Variants in TSHZ3 observed in about 807,000 individuals in gnomAD.
The protein encoded by TSHZ3 is teashirt homolog 3.
A neutral mutation model predicts 64.5 loss-of-function variants in TSHZ3; 10 were observed. That is an observed-to-expected ratio of 0.16 (90% CI 0.10 to 0.26). The LOEUF is 0.26. TSHZ3 is among the 10% of genes least tolerant of loss of function. TSHZ3 has a pLI of 1.00. For missense variants in TSHZ3, 1,242 were observed against 1,421.7 expected (o/e 0.87, Z 2.03); for synonymous variants, 608 against 593.1 (o/e 1.03, Z -0.36).
chr19:31,349,073 G>C (rs1445973873), intron 1 of TSHZ3, 107 bp downstream of exon 1: 11 of 1,407,970 alleles, frequency 7.8e-6, no homozygotes, highest in African/African-American at 1.5e-5. Flanking sequence ...GAGTTACTCA[G>C]TGCGGGCAGA....
chr19:31,152,143 A>G (rs905174622), intron 6 of TSHZ3, among the ~76,000 whole-genome samples: 39 of 152,242 alleles, frequency 2.6e-4, no homozygotes, highest in African/African-American at 8.7e-4. Context: ...AAAGAAAAAG[A>G]AAAGAAAAAA....
In TSHZ3 at chr19:31,228,431, G is replaced by T. The variant is rs1975499093; in HGVS notation, n.551-291C>A. On this transcript the variant is annotated intron_variant and non_coding_transcript_variant, in intron 3 of 6. Transcript: ENST00000651361. Reference sequence around the variant, plus strand: ...GTCCCAGCTACTCCAGAGGCTGAGGGGGGAGGATCACATGAGCCCCGGAGG... The same window carrying T: ...GTCCCAGCTACTCCAGAGGCTGAGGTGGGAGGATCACATGAGCCCCGGAGG... Among the ~76,000 whole-genome samples, 6 of 151,618 alleles carry T rather than the reference G, an allele frequency of 4.0e-5. No individual in the cohort carries two copies. In the South Asian group the frequency reaches 1.3e-3, roughly 32 times the overall value.
At chr19:31,249,713 C>G (rs1376057668) in intron 1 of TSHZ3, among the ~76,000 whole-genome samples, 1 of 152,190 alleles carries the variant, frequency 6.6e-6, no homozygotes, top group East Asian at 1.9e-4. Flanking sequence ...ATCCACAGTT[C>G]AGGATGGAGG....
In TSHZ3 at chr19:31,277,676, G is replaced by A. The variant is rs112525703; in HGVS notation, c.2117C>T (p.Thr706Met). Residue 706 changes from threonine to methionine, a missense_variant, in exon 2 of 2, where the codon ACG (threonine) becomes ATG (methionine). Transcript: ENST00000240587. The surrounding 1 kb of genome is among the most constrained non-coding windows in gnomAD (Gnocchi z 4.5). ...AGGCGGGTGGTCGGTGATGATGGCC[G>A]TGCTGCCACTCAAACTGCTGGCTAG... ...KPLASSLSGSTAIITDHPPEQ... is the reference protein window; with the variant it reads ...KPLASSLSGSMAIITDHPPEQ... 3.1e-5 allele frequency: 48 copies of A among 1,527,868 alleles called. 1 individual carries two copies. In the Middle Eastern group the frequency reaches 5.3e-4, roughly 17 times the overall value. 94.6% of individuals were successfully genotyped at this position (1,527,868 alleles called of 1,614,324 possible).
chr19:31,301,353 A>T (rs1225874286), intron 1 of TSHZ3, among the ~76,000 whole-genome samples: 2 of 152,178 alleles, frequency 1.3e-5, no homozygotes, highest in Non-Finnish European at 2.9e-5. Flanking sequence ...AGCCAGCCCC[A>T]CACATCTAAT....
chr19:31,200,830 AG>A (rs977018078), intron 5 of TSHZ3, among the ~76,000 whole-genome samples: 1 of 151,948 alleles, frequency 6.6e-6, no homozygotes, highest in South Asian at 2.1e-4. Context: ...GTGTGTGGGA[AG>A]GGGGGTGCAT....
chr19:31,277,811 T>A lies in TSHZ3; in HGVS notation c.1982A>T (p.Asp661Val). ...GEPIKMEASS[D>V]GGFRSQENSP... The stretch of plus-strand genomic sequence containing the variant: ...GTTCTCCTGGCTGCGGAAGCCCCCA[T>A]CGCTGGATGCCTCCATCTTGATGGG... Residue 661 changes from aspartate to valine, a missense_variant, in exon 2 of 2, where the codon GAT (aspartate) becomes GTT (valine). Asp to Val is a radical substitution (Grantham distance 152, BLOSUM62 -3). Coordinates refer to ENST00000240587, the MANE Select transcript of TSHZ3 (RefSeq NM_020856.4). The surrounding 1 kb of genome is among the most constrained non-coding windows in gnomAD (Gnocchi z 4.5). 6.4e-7 allele frequency: 1 copy of A among 1,551,796 alleles called. No individual in the cohort carries two copies. Among genetic ancestry groups the A allele is most frequent in the Non-Finnish European group, 8.7e-7 (1 of 1,151,402 alleles).
At chr19:31,194,117 C>G (rs771486221) in intron 5 of TSHZ3, among the ~76,000 whole-genome samples, 1 of 152,228 alleles carries the variant, frequency 6.6e-6, no homozygotes, top group South Asian at 2.1e-4. Context: ...AAGGAATCAG[C>G]GCCAAAGTCG....
intron 1 of TSHZ3, among the ~76,000 whole-genome samples, chr19:31,292,202 C>T (rs1395522023): frequency 6.6e-6 from 1 of 152,174 alleles, no homozygotes; most frequent in Non-Finnish European, 1.5e-5. Flanking sequence ...ATTCTCTCAT[C>T]TTGGTGGAAT....
chr19:31,279,493 C>T lies in TSHZ3; in HGVS notation c.300G>A (p.Lys100=). 6.2e-7 allele frequency: 1 copy of T among 1,614,062 alleles called. No individual in the cohort carries two copies. Among genetic ancestry groups the T allele is most frequent in the Non-Finnish European group, 8.5e-7 (1 of 1,179,930 alleles). Residue 100 remains lysine (K), a synonymous_variant, in exon 2 of 2, where the codon AAG becomes AAA. Transcript: ENST00000240587. This position sits in a 1 kb window ranked among gnomAD's most constrained non-coding sequence, Gnocchi z 6.4. The part of the protein sequence containing the change: ...SGSIKNEEET[K]EVTVPLEDTT... Reference sequence around the variant, plus strand: ...TGTCTTCCAGTGGGACCGTGACCTCCTTGGTCTCCTCTTCGTTCTTGATGG... The same window carrying T: ...TGTCTTCCAGTGGGACCGTGACCTCTTTGGTCTCCTCTTCGTTCTTGATGG...
intron 5 of TSHZ3, among the ~76,000 whole-genome samples, chr19:31,172,043 C>G (rs986807903): frequency 6.6e-6 from 1 of 152,140 alleles, no homozygotes; most frequent in African/African-American, 2.4e-5. Flanking sequence ...TCAAGAGACA[C>G]CAAAACAACC....
At chr19:31,296,259 C>T (rs990754892) in intron 1 of TSHZ3, among the ~76,000 whole-genome samples, 2 of 150,320 alleles carry the variant, frequency 1.3e-5, no homozygotes, top group African/African-American at 4.9e-5. Context: ...GGGGAGGAAA[C>T]GGGTGCCCTT....
chr19:31,214,657 C>T (rs1010991853), intron 4 of TSHZ3, among the ~76,000 whole-genome samples: 4 of 152,126 alleles, frequency 2.6e-5, no homozygotes, highest in African/African-American at 9.7e-5. Flanking sequence ...GCCTGTAATC[C>T]CAGCACTTTG....
chr19:31,179,412 C>T (rs930857294), intron 5 of TSHZ3, among the ~76,000 whole-genome samples: 3 of 152,180 alleles, frequency 2.0e-5, no homozygotes, highest in African/African-American at 4.8e-5. Flanking sequence ...TCCCAATTAG[C>T]CATTCCCAAC....
intron 1 of TSHZ3, among the ~76,000 whole-genome samples, chr19:31,302,912 A>G (rs1391968669): frequency 6.7e-6 from 1 of 149,332 alleles, no homozygotes; most frequent in Non-Finnish European, 1.5e-5. Flanking sequence ...ATAAGATGTC[A>G]CAGGTAAACA....
rs75532330 is a variant in TSHZ3 at position 31,330,367 on chromosome 19, C to T, written c.40+18813G>A. 3.0e-3 allele frequency among the ~76,000 whole-genome samples: 452 copies of T among 152,330 alleles called. 2 individuals are homozygous for T. Among genetic ancestry groups the T allele is most frequent in the African/African-American group, 0.01 (432 of 41,594 alleles). ...ACCGGCAGGCATGGACCAGGAGCTG[C>T]TAGCACAGGCCTCGGGAGGTGGCCT... On this transcript the variant is annotated intron_variant, in intron 1 of 1. Coordinates refer to ENST00000240587, the MANE Select transcript of TSHZ3 (RefSeq NM_020856.4).
intron 5 of TSHZ3, among the ~76,000 whole-genome samples, chr19:31,180,185 G>A (rs556410343): frequency 6.6e-6 from 1 of 152,056 alleles, no homozygotes; most frequent in Non-Finnish European, 1.5e-5. Context: ...TGTCTAGCAG[G>A]GTATCTGCTA....
chr19:31,214,909 G>GAAAAA (rs950173415), intron 4 of TSHZ3, among the ~76,000 whole-genome samples: 5 of 41,822 alleles, frequency 1.2e-4, no homozygotes, highest in Non-Finnish European at 2.1e-4. Context: ...CTCTGTCTCA[G>GAAAAA]AAAAAAAAAA....
intron 4 of TSHZ3, among the ~76,000 whole-genome samples, chr19:31,219,734 AT>A (rs1975375314): frequency 6.6e-6 from 1 of 151,126 alleles, no homozygotes; most frequent in African/African-American, 2.4e-5. Context: ...AGACAGTTCT[AT>A]TAGCTTATGA....
Sources: allele counts gnomAD v4.1 joint callset (sites outside exome capture counted in the v4.1 genomes callset), GRCh38; gene constraint gnomAD v4.1.1; non-coding constraint Gnocchi (gnomAD v3.1); transcripts MANE v1.5; gene names NCBI Gene and HGNC (gene_info 2026-07-23, HGNC 2026-07-21).